Variants in OCM observed in about 807,000 individuals in gnomAD.
OCM encodes the protein oncomodulin-1.
A neutral mutation model predicts 14.1 loss-of-function variants in OCM; 18 were observed. The ratio of observed to expected loss-of-function variants is 1.28; its 90% CI spans 0.88 to 1.89. The LOEUF (loss-of-function observed/expected upper bound fraction) is 1.89. Among genes scored for constraint, OCM ranks in the 40% most tolerant of loss-of-function variants. The pLI, the probability that OCM is intolerant of heterozygous loss-of-function variation, is 0.00. For missense variants in OCM, 140 were observed against 137.6 expected (o/e 1.02, Z -0.09); for synonymous variants, 48 against 51.0 (o/e 0.94, Z 0.25).
At chr7:5,884,066 G>C in intron 3 of OCM, 67 bp downstream of exon 3, 1 of 1,589,112 alleles carries the variant, frequency 6.3e-7, no homozygotes, top group East Asian at 2.3e-5. Flanking sequence ...GGCTTGGGCT[G>C]TGAGATCAAA....
chr7:5,869,104 A>G, the OCM span, among the ~76,000 whole-genome samples: 1 of 152,126 alleles, frequency 6.6e-6, no homozygotes, highest in Non-Finnish European at 1.5e-5. Flanking sequence ...GACTGAGTCC[A>G]AAGTTCCACA....
intron 1 of OCM, among the ~76,000 whole-genome samples, chr7:5,882,014 G>T (rs1320421871): frequency 7.1e-6 from 1 of 141,554 alleles, no homozygotes; most frequent in Non-Finnish European, 1.5e-5. Context: ...TTGAACCCGG[G>T]AGGCAGAGGT....
upstream of OCM, among the ~76,000 whole-genome samples, chr7:5,878,741 C>G (rs1781147514): frequency 6.7e-6 from 1 of 150,078 alleles, no homozygotes; most frequent in Non-Finnish European, 1.5e-5. Flanking sequence ...AATTGAGACT[C>G]CATCTCAAAA....
chr7:5,882,151 AGT>A (rs1308218310), intron 1 of OCM, among the ~76,000 whole-genome samples: 3 of 148,072 alleles, frequency 2.0e-5, no homozygotes, highest in Non-Finnish European at 4.5e-5. Flanking sequence ...GTTGAAATCC[AGT>A]GATTGCATTT....
chr7:5,884,606 T>G (rs1781295584), intron 3 of OCM, among the ~76,000 whole-genome samples: 1 of 152,130 alleles, frequency 6.6e-6, no homozygotes, highest in Non-Finnish European at 1.5e-5. Flanking sequence ...TTTGTCATGT[T>G]GCTAGCGTGC....
chr7:5,860,756 GTATATATATATTCGTATATATACGTGTA>G, the OCM span, among the ~76,000 whole-genome samples: 2 of 138,168 alleles, frequency 1.4e-5, no homozygotes, highest in Non-Finnish European at 3.1e-5. Flanking sequence ...ACATATATAC[GTATATATATATTCGTATATATACGTGTA>G]TATATACATA....
At chr7:5,874,956 T>G (rs1231416661), upstream of OCM, among the ~76,000 whole-genome samples, 1 of 152,056 alleles carries the variant, frequency 6.6e-6, no homozygotes, top group Non-Finnish European at 1.5e-5. Context: ...ACCACCATTC[T>G]GTCTGTCTCT....
chr7:5,860,220 C>T, the OCM span, among the ~76,000 whole-genome samples: 14 of 151,764 alleles, frequency 9.2e-5, no homozygotes, highest in South Asian at 4.2e-4. Context: ...CCAGCTCATC[C>T]GTAAGTTGAG....
the OCM span, among the ~76,000 whole-genome samples, chr7:5,859,991 G>GTTT: frequency 6.6e-6 from 1 of 151,880 alleles, no homozygotes. Flanking sequence ...CCCAGCCAGT[G>GTTT]TTTTTTTATT....
the OCM span, among the ~76,000 whole-genome samples, chr7:5,865,821 TAAC>T: frequency 1.3e-5 from 2 of 152,120 alleles, no homozygotes; most frequent in South Asian, 4.1e-4. Flanking sequence ...AATACATAGG[TAAC>T]AACAATACTG....
intron 2 of OCM, among the ~76,000 whole-genome samples, chr7:5,883,655 C>A (rs1035497744): frequency 8.0e-5 from 12 of 150,262 alleles, no homozygotes; most frequent in African/African-American, 2.7e-4. Context: ...TCACTGCATT[C>A]CAGCCTGGGT....
At chr7:5,881,085 G>A (rs181784555) in intron 1 of OCM, 135 bp downstream of exon 1, 166 of 784,920 alleles carry the variant, frequency 2.1e-4, no homozygotes, top group South Asian at 1.9e-3. Flanking sequence ...TTGGGAGGCC[G>A]AGGCGGGTGG....
At chr7:5,883,071 A>T (rs1781253963) in intron 2 of OCM, among the ~76,000 whole-genome samples, 1 of 152,018 alleles carries the variant, frequency 6.6e-6, no homozygotes, top group African/African-American at 2.4e-5. Flanking sequence ...CAAACTCCTG[A>T]CTTCAAGTGA....
chr7:5,863,121 T>A, the OCM span, among the ~76,000 whole-genome samples: 1 of 152,200 alleles, frequency 6.6e-6, no homozygotes, highest in Non-Finnish European at 1.5e-5. Context: ...CTCATTGACA[T>A]GTAAAATGTA....
At chr7:5,861,384 G>A in the OCM span, among the ~76,000 whole-genome samples, 1 of 151,540 alleles carries the variant, frequency 6.6e-6, no homozygotes, top group Non-Finnish European at 1.5e-5. Context: ...TCGCACCATT[G>A]CACTCCAGCC....
intron 3 of OCM, 65 bp from the exon 4 acceptor site, chr7:5,885,999 C>A: frequency 6.2e-7 from 1 of 1,609,990 alleles, no homozygotes; most frequent in African/African-American, 1.3e-5. Flanking sequence ...TTCTCATTGG[C>A]CACGGCACGT....
the OCM span, chr7:5,871,777 C>T: frequency 6.6e-6 from 1 of 151,872 alleles, no homozygotes; most frequent in Non-Finnish European, 1.5e-5. Context: ...ACTATGTTGC[C>T]CAGGCTGGAG....
At chr7:5,864,090 G>C in the OCM span, among the ~76,000 whole-genome samples, 1 of 151,814 alleles carries the variant, frequency 6.6e-6, no homozygotes, top group Non-Finnish European at 1.5e-5. Context: ...CTGAAATCCC[G>C]GCACTTTAGG....
chr7:5,874,172 C>T, the OCM span, among the ~76,000 whole-genome samples: 2 of 136,908 alleles, frequency 1.5e-5, no homozygotes, highest in African/African-American at 5.6e-5. Context: ...TGCAGTGAGC[C>T]GAGATCGCAC....
Sources: allele counts gnomAD v4.1 joint callset (sites outside exome capture counted in the v4.1 genomes callset), GRCh38; gene constraint gnomAD v4.1.1; transcripts MANE v1.5; gene names NCBI Gene and HGNC (gene_info 2026-07-23, HGNC 2026-07-21).